Variants in MSI2 observed in about 807,000 individuals in gnomAD.
The protein encoded by MSI2 is RNA-binding protein Musashi homolog 2.
MSI2 carries 17 observed loss-of-function variants against 45.6 expected under a neutral mutation model. The observed-to-expected ratio is 0.37, with a 90% CI of 0.26 to 0.56. The LOEUF is 0.56. MSI2 is among the 20% of genes least tolerant of loss of function. The pLI is 0.77. For missense variants in MSI2, 293 were observed against 444.2 expected, an observed-to-expected ratio of 0.66 and a Z score of 3.06; for synonymous variants, 156 against 158.2, an observed-to-expected ratio of 0.99 and a Z score of 0.11.
At chr17:57,635,109 A>G (rs753967033) in intron 10 of MSI2, among the ~76,000 whole-genome samples, 9 of 152,262 alleles carry the variant, frequency 5.9e-5, no homozygotes, top group Middle Eastern at 3.2e-3. Flanking sequence ...TTTCTGCTAC[A>G]TACCTGAGAG....
intron 6 of MSI2, among the ~76,000 whole-genome samples, chr17:57,454,860 G>A (rs556450411): frequency 5.3e-4 from 80 of 152,312 alleles, no homozygotes; most frequent in Middle Eastern, 6.8e-3. Flanking sequence ...AGGTAACAGC[G>A]CAGCCCCTCT....
chr17:57,404,379 T>C (rs764698147), intron 6 of MSI2, among the ~76,000 whole-genome samples: 3 of 152,194 alleles, frequency 2.0e-5, no homozygotes, highest in Non-Finnish European at 4.4e-5. Flanking sequence ...TGCCCTTCAG[T>C]GTGCCCCGGA....
intron 6 of MSI2, among the ~76,000 whole-genome samples, chr17:57,493,866 T>C (rs546078355): frequency 2.0e-5 from 3 of 152,044 alleles, no homozygotes; most frequent in Non-Finnish European, 4.4e-5. Context: ...CACCCAACAC[T>C]GTGAGGTAGG....
At chr17:57,419,320 C>G (rs2084352776) in intron 6 of MSI2, among the ~76,000 whole-genome samples, 1 of 151,754 alleles carries the variant, frequency 6.6e-6, no homozygotes, top group African/African-American at 2.4e-5. Context: ...AATTGGGCTG[C>G]CAGTAGAGGT....
chr17:57,274,757 C>T (rs766774337), intron 5 of MSI2, among the ~76,000 whole-genome samples: 11 of 152,234 alleles, frequency 7.2e-5, no homozygotes, highest in Non-Finnish European at 1.2e-4. Context: ...TGTGCCATAA[C>T]GAAGTGTGTG....
intron 7 of MSI2, among the ~76,000 whole-genome samples, chr17:57,580,315 G>A (rs1034500570): frequency 2.0e-5 from 3 of 152,230 alleles, no homozygotes; most frequent in African/African-American, 7.2e-5. Context: ...GAAGGCTGAG[G>A]CAGCATCTGT....
chr17:57,515,388 G>A (rs935866467), intron 6 of MSI2, among the ~76,000 whole-genome samples: 1 of 152,066 alleles, frequency 6.6e-6, no homozygotes, highest in African/African-American at 2.4e-5. Context: ...ATTTTTTAGT[G>A]GAGATGGAGT....
rs771061183 is a variant in MSI2, at chr17:57,676,978, C to T, written c.946-9C>T. ...CACACTGATGACCTTAACAATTGTG[C>T]AATTTTAGGGACCTTTGATTGCAAC... On this transcript the variant is annotated splice_polypyrimidine_tract_variant and intron_variant, in intron 12 of 13. Coordinates refer to ENST00000284073, the MANE Select transcript of MSI2 (RefSeq NM_138962.4). 6.2e-7 allele frequency: 1 copy of T among 1,600,680 alleles called. No homozygotes were observed.
At chr17:57,447,772 C>T (rs1013464823) in intron 6 of MSI2, among the ~76,000 whole-genome samples, 3 of 152,136 alleles carry the variant, frequency 2.0e-5, no homozygotes, top group Non-Finnish European at 4.4e-5. Flanking sequence ...TGGAATGACA[C>T]GTTTGATCAT....
intron 4 of MSI2, among the ~76,000 whole-genome samples, chr17:57,259,084 GTGTC>G (rs1191982170): frequency 2.6e-5 from 4 of 152,188 alleles, no homozygotes; most frequent in African/African-American, 9.7e-5. Context: ...GGAAGAAAGA[GTGTC>G]TGTATATAAC....
At chr17:57,597,029 CCAT>C (rs1218349675) in intron 8 of MSI2, 79 bp downstream of exon 8, 2 of 1,086,234 alleles carry the variant, frequency 1.8e-6, no homozygotes, top group Non-Finnish European at 2.8e-6. Context: ...CTGGTCCAGC[CCAT>C]CATCAGGCTG....
At chr17:57,284,758 G>A (rs1292477451) in intron 5 of MSI2, among the ~76,000 whole-genome samples, 1 of 152,162 alleles carries the variant, frequency 6.6e-6, no homozygotes, top group Non-Finnish European at 1.5e-5. Context: ...GGGGCTTCAT[G>A]GCGTCATCTG....
At chr17:57,278,533 G>C (rs1255998311) in intron 5 of MSI2, 7 of 152,234 alleles carry the variant, frequency 4.6e-5, no homozygotes, top group African/African-American at 7.2e-5. Flanking sequence ...GACTCAGGCG[G>C]GGCTGATCAA....
At chr17:57,569,755 C>T (rs1024421956) in intron 7 of MSI2, among the ~76,000 whole-genome samples, 4 of 152,188 alleles carry the variant, frequency 2.6e-5, no homozygotes, top group South Asian at 2.1e-4. Context: ...AACTGGACCC[C>T]GAATGAATTA....
chr17:57,410,008 CAAAAAAA>C (rs59098048), intron 6 of MSI2, among the ~76,000 whole-genome samples: 2 of 61,662 alleles, frequency 3.2e-5, no homozygotes, highest in Non-Finnish European at 5.9e-5. Context: ...ACTCTGTCTC[CAAAAAAA>C]AAAAAAAAAA....
At chr17:57,575,944 CAAAAAAAAAAAAAA>C (rs34036311) in intron 7 of MSI2, among the ~76,000 whole-genome samples, 4 of 64,434 alleles carry the variant, frequency 6.2e-5, no homozygotes, top group African/African-American at 1.0e-4. Context: ...GACTCCGTCT[CAAAAAAAAAAAAAA>C]AAAAAAAAAA....
Position 57,683,821 on chromosome 17 carries a change from A to T in MSI2, c.*4304A>T. 3 of 232,488 alleles carry T rather than the reference A, an allele frequency of 1.3e-5. No homozygotes were observed. Among genetic ancestry groups the T allele is most frequent in the Non-Finnish European group, 2.6e-5 (3 of 117,602 alleles). The allele number at this position is 232,488 out of a possible 1,614,324, so 14.4% of individuals were successfully genotyped here. A position where few individuals can be genotyped will look rare whatever the true frequency, so the allele number is the denominator to read the frequency against. ...TTCCCCACCCTCACCCCAAAGCAGA[A>T]AACTAGCAGACGTCAGCTCAGCCCC... is the stretch of plus-strand genomic sequence containing the variant. On this transcript the variant is annotated 3_prime_UTR_variant, in exon 14 of 14. Coordinates refer to ENST00000284073, the MANE Select transcript of MSI2 (RefSeq NM_138962.4). The surrounding 1 kb of genome is among the most constrained non-coding windows in gnomAD (Gnocchi z 5.2).
chr17:57,489,420 C>A (rs2085822791), intron 6 of MSI2, among the ~76,000 whole-genome samples: 1 of 152,158 alleles, frequency 6.6e-6, no homozygotes, highest in Admixed American at 6.5e-5. Context: ...GGGAGGGAGA[C>A]ACTGAAGAGA....
chr17:57,284,127 T>C (rs1056624394), intron 5 of MSI2, among the ~76,000 whole-genome samples: 1 of 152,180 alleles, frequency 6.6e-6, no homozygotes, highest in Non-Finnish European at 1.5e-5. Context: ...CCCGCTGAGT[T>C]GAGCATTGCC....
Sources: gnomAD v4.1 joint callset for allele counts (sites outside exome capture counted in the v4.1 genomes callset) on GRCh38, gnomAD v4.1.1 for gene constraint, Gnocchi (gnomAD v3.1) non-coding constraint, MANE v1.5 for transcripts, NCBI Gene and HGNC (gene_info 2026-07-23, HGNC 2026-07-21) for gene names.